Variants in UTRN observed in about 807,000 individuals in gnomAD.
UTRN encodes the protein dystrophin-related protein 1.
In UTRN, 283 loss-of-function variants were observed where a neutral mutation model predicts 463.9. The ratio of observed to expected loss-of-function variants is 0.61; its 90% CI spans 0.55 to 0.67. The LOEUF is 0.67. Among genes scored for constraint, UTRN ranks in the 30% least tolerant of loss-of-function variants. The pLI is 0.00. For missense variants in UTRN, 3,922 were observed against 4,084.3 expected (o/e 0.96, Z 1.08); for synonymous variants, 1,442 against 1,431.5 (o/e 1.01, Z -0.17).
chr6:144,448,102 T>C (rs1456458777), intron 16 of UTRN, among the ~76,000 whole-genome samples: 1 of 152,214 alleles, frequency 6.6e-6, no homozygotes, highest in Admixed American at 6.5e-5. Context: ...TAGACAGATA[T>C]TCTTAGCAGC....
At chr6:144,297,590 T>C (rs1380132433) in intron 2 of UTRN, among the ~76,000 whole-genome samples, 1 of 152,234 alleles carries the variant, frequency 6.6e-6, no homozygotes, top group Non-Finnish European at 1.5e-5. Context: ...TTTCCTTGGC[T>C]GGAATACCTG....
At chr6:144,359,530 C>T (rs370320665) in intron 2 of UTRN, among the ~76,000 whole-genome samples, 16 of 152,248 alleles carry the variant, frequency 1.1e-4, no homozygotes, top group Admixed American at 5.9e-4. Context: ...GACTGTAACA[C>T]GTTTAACGTC....
At chr6:144,451,113 AAAC>A (rs111594852) in intron 17 of UTRN, among the ~76,000 whole-genome samples, 9 of 152,160 alleles carry the variant, frequency 5.9e-5, no homozygotes, top group Admixed American at 2.6e-4. Flanking sequence ...CTCCATCTCG[AAAC>A]AACAACAACA....
intron 20 of UTRN, 68 bp downstream of exon 20, chr6:144,459,079 C>A (rs1393896936): frequency 1.9e-6 from 3 of 1,562,572 alleles, no homozygotes; most frequent in Non-Finnish European, 1.7e-6. Flanking sequence ...GAGGGCTTCT[C>A]GTATCATGAA....
At chr6:144,360,744 C>T (rs915410138) in intron 2 of UTRN, among the ~76,000 whole-genome samples, 1 of 152,210 alleles carries the variant, frequency 6.6e-6, no homozygotes, top group Admixed American at 6.5e-5. Context: ...TTGAGATGAA[C>T]ATTTTACACT....
intron 69 of UTRN, among the ~76,000 whole-genome samples, chr6:144,830,335 C>T (rs1274470994): frequency 6.6e-6 from 1 of 152,102 alleles, no homozygotes; most frequent in Non-Finnish European, 1.5e-5. Context: ...ATTCACCCAT[C>T]CAACAGACAG....
At chr6:144,762,280 G>A (rs1382679538) in intron 58 of UTRN, among the ~76,000 whole-genome samples, 1 of 152,136 alleles carries the variant, frequency 6.6e-6, no homozygotes, top group Admixed American at 6.6e-5. Context: ...GCTGTGTCCT[G>A]GCCCCAATAT....
intron 51 of UTRN, among the ~76,000 whole-genome samples, chr6:144,670,843 C>A (rs1297186609): frequency 1.3e-5 from 2 of 152,080 alleles, no homozygotes; most frequent in African/African-American, 4.8e-5. Flanking sequence ...CAATTTCATT[C>A]TTCTACATGT....
At chr6:144,848,214 G>A (rs1333675460) in intron 74 of UTRN, among the ~76,000 whole-genome samples, 1 of 152,154 alleles carries the variant, frequency 6.6e-6, no homozygotes, top group East Asian at 1.9e-4. Flanking sequence ...GAGAATAGAA[G>A]AGCAGATGGC....
chr6:144,828,682 C>A, intron 68 of UTRN, 108 bp from the exon 69 acceptor site: 3 of 1,095,088 alleles, frequency 2.7e-6, no homozygotes, highest in Non-Finnish European at 1.4e-6. Flanking sequence ...TTGGATCTTT[C>A]TATGTTTTGT....
At position 144,368,992 on chromosome 6, in the gene UTRN, A is replaced by G. The variant is rs114754794; in HGVS notation, c.80-34131A>G. Among the ~76,000 whole-genome samples the G allele has an allele frequency of 9.2e-3, 1,404 of 152,328 alleles. 16 individuals are homozygous for G. Among genetic ancestry groups the G allele is most frequent in the African/African-American group, 0.027 (1,104 of 41,564 alleles). ...GACCTTTCATAAAATGAGACCTTAT[A>G]GAATTCTCTTAAGATAGTGTTCATA... On this transcript the variant is annotated intron_variant, in intron 2 of 74. Transcript: ENST00000367545.
chr6:144,774,719 G>A (rs974472150), intron 60 of UTRN, among the ~76,000 whole-genome samples: 2 of 152,164 alleles, frequency 1.3e-5, no homozygotes, highest in African/African-American at 4.8e-5. Flanking sequence ...TAGAGTTCCA[G>A]TTTGTCTCAA....
At chr6:144,835,729 AC>A (rs753882308) in intron 69 of UTRN, 50 bp from the exon 70 acceptor site, 3 of 1,603,260 alleles carry the variant, frequency 1.9e-6, no homozygotes, top group Admixed American at 3.4e-5. Flanking sequence ...ATGTCCAAAA[AC>A]ATCACCATCC....
intron 51 of UTRN, among the ~76,000 whole-genome samples, chr6:144,653,387 C>T (rs1286322978): frequency 6.6e-6 from 1 of 151,980 alleles, no homozygotes; most frequent in East Asian, 1.9e-4. Flanking sequence ...AGATTGAGAC[C>T]ATCCTGTCAA....
At chr6:144,493,179 G>A in intron 32 of UTRN, 122 bp from the exon 33 acceptor site, 1 of 808,132 alleles carries the variant, frequency 1.2e-6, no homozygotes, top group Non-Finnish European at 1.9e-6. Flanking sequence ...AAAGATGATG[G>A]CCTTTGATCA....
chr6:144,451,687 GT>G (rs60974172), intron 18 of UTRN, among the ~76,000 whole-genome samples, 194 bp downstream of exon 18: 36,628 of 146,096 alleles, frequency 0.25, 6,305 homozygotes, highest in African/African-American at 0.5. Flanking sequence ...TTTGGAGGAC[GT>G]TTTTTTTTTT....
At chr6:144,697,552 A>G (rs1784146885) in intron 52 of UTRN, among the ~76,000 whole-genome samples, 1 of 152,152 alleles carries the variant, frequency 6.6e-6, no homozygotes, top group African/African-American at 2.4e-5. Context: ...TATGGTAGTA[A>G]TCCACTAAAC....
intron 2 of UTRN, among the ~76,000 whole-genome samples, chr6:144,295,395 A>C (rs967916437): frequency 6.6e-6 from 1 of 152,212 alleles, no homozygotes; most frequent in African/African-American, 2.4e-5. Flanking sequence ...CTCAGGGCTA[A>C]GGACAGTGTG....
intron 2 of UTRN, among the ~76,000 whole-genome samples, chr6:144,352,521 A>G (rs1027256355): frequency 1.3e-5 from 2 of 152,186 alleles, no homozygotes; most frequent in African/African-American, 4.8e-5. Flanking sequence ...CCCACGGGAC[A>G]TGTCATATCT....
Sources: gnomAD v4.1 joint callset for allele counts (sites outside exome capture counted in the v4.1 genomes callset) on GRCh38, gnomAD v4.1.1 for gene constraint, MANE v1.5 for transcripts, NCBI Gene and HGNC (gene_info 2026-07-23, HGNC 2026-07-21) for gene names.